The following E2F3 variants were observed in gnomAD, a reference collection of about 807,000 sequenced individuals.
E2F3 encodes the protein transcription factor E2F3.
Under a neutral mutation model 44.4 loss-of-function variants are expected in E2F3, and 11 were observed. The observed-to-expected ratio is 0.25, with a 90% CI of 0.16 to 0.41. The LOEUF (loss-of-function observed/expected upper bound fraction) is 0.41. E2F3 is among the 10% of genes least tolerant of loss of function. E2F3 has a pLI of 1.00. For missense variants in E2F3, 487 were observed against 583.6 expected, an observed-to-expected ratio of 0.83 and a Z score of 1.70; for synonymous variants, 249 against 253.0, an observed-to-expected ratio of 0.98 and a Z score of 0.15.
In E2F3 at chr6:20,488,159, A is replaced by G. The variant is rs1243212211; in HGVS notation, c.1046A>G (p.Tyr349Cys). 6.2e-7 allele frequency: 1 copy of G among 1,614,084 alleles called. No homozygotes were observed. The highest frequency in any genetic ancestry group is 8.5e-7 in the Non-Finnish European group (1 of 1,180,042). The part of the protein sequence containing the change: ...LASTQGPIEV[Y>C]LCPEETETHS... ...AGTACCCAAGGGCCCATTGAGGTTT[A>G]CTTATGTCCAGAAGAGACTGAAACA... The change falls in exon 6 of 7, where the codon TAC becomes TGC. Residue 349 changes from tyrosine to cysteine, a missense_variant. Tyr to Cys is a radical substitution (Grantham distance 194). This residue lies in a region of E2F3 where 220 missense variants were observed against 261.7 expected (regional missense o/e 0.84). Transcript: ENST00000346618.
At chr6:20,474,302 A>C (rs1561879881) in intron 1 of E2F3, among the ~76,000 whole-genome samples, 1 of 152,196 alleles carries the variant, frequency 6.6e-6, no homozygotes, top group South Asian at 2.1e-4. Flanking sequence ...GTTTCTTTGC[A>C]GAGGCATGTT....
chr6:20,402,087 AAAAAG>A lies in E2F3; in HGVS notation c.-139_-135del, dbSNP rs950647150. 42 of 1,354,358 alleles carry A rather than the reference AAAAAG, an allele frequency of 3.1e-5. No individual in the cohort carries two copies. The highest frequency in any genetic ancestry group is 1.2e-4 in the South Asian group (7 of 60,556). 83.9% of individuals were successfully genotyped at this position (1,354,358 alleles called of 1,614,324 possible). Reference sequence around the variant, plus strand: ...CGGGGCCTGTGCGGTGCGGAAAAATAAAAAGAAAAGAGAGAGAGGGGGCTCGGAAG... The same window carrying A: ...CGGGGCCTGTGCGGTGCGGAAAAATAAAAAGAGAGAGAGGGGGCTCGGAAG... On this transcript the variant is annotated 5_prime_UTR_variant, in exon 1 of 7. Transcript: ENST00000346618. This position sits in a 1 kb window ranked among gnomAD's most constrained non-coding sequence, Gnocchi z 5.6.
chr6:20,458,313 G>A (rs759770273), intron 1 of E2F3, among the ~76,000 whole-genome samples: 3 of 152,084 alleles, frequency 2.0e-5, no homozygotes, highest in Admixed American at 1.3e-4. Context: ...TCGTTTTGCC[G>A]GGGAGATTTT....
At position 20,412,052 on chromosome 6, in the gene E2F3, C is replaced by T. The variant is rs565024164; in HGVS notation, c.393+9427C>T. Among the ~76,000 whole-genome samples, 3 of 152,252 alleles carry T rather than the reference C, an allele frequency of 2.0e-5. No individual in the cohort carries two copies. The East Asian group carries it at 5.8e-4, about 29-fold the overall frequency. On this transcript the variant is annotated intron_variant, in intron 1 of 6. Transcript: ENST00000346618. ...TACAAAAGAAGTATGAGGTGTGATC[C>T]GCCCACTCTTGAGTTTACAGTCTGT...
chr6:20,416,285 C>A (rs1759842681), intron 1 of E2F3, among the ~76,000 whole-genome samples: 1 of 152,174 alleles, frequency 6.6e-6, no homozygotes, highest in African/African-American at 2.4e-5. Context: ...TCACCTATAC[C>A]CACGCTGGCC....
chr6:20,411,801 A>G (rs1759682480), intron 1 of E2F3, among the ~76,000 whole-genome samples: 1 of 152,112 alleles, frequency 6.6e-6, no homozygotes, highest in Non-Finnish European at 1.5e-5. Context: ...CCCTTGGGTT[A>G]CTGCTTCTTT....
At chr6:20,482,595 A>T (rs1267389155) in intron 3 of E2F3, among the ~76,000 whole-genome samples, 167 bp from the exon 4 acceptor site, 15 of 122,418 alleles carry the variant, frequency 1.2e-4, no homozygotes, top group East Asian at 9.3e-4. Flanking sequence ...TTTATGAAAA[A>T]AAAAATATAT....
intron 1 of E2F3, among the ~76,000 whole-genome samples, chr6:20,408,024 A>G (rs941610480): frequency 6.6e-6 from 1 of 152,262 alleles, no homozygotes; most frequent in African/African-American, 2.4e-5. Context: ...TCTTTGAGGT[A>G]CTAAGTACGT....
chr6:20,486,926 T>C, intron 5 of E2F3, 123 bp downstream of exon 5: 2 of 617,674 alleles, frequency 3.2e-6, no homozygotes, highest in Non-Finnish European at 5.6e-6. Flanking sequence ...CTTTCCCATT[T>C]ATTTTACTTA....
At position 20,404,778 on chromosome 6, in the gene E2F3, C is replaced by A. The variant is rs184427919; in HGVS notation, c.393+2153C>A. On this transcript the variant is annotated intron_variant, in intron 1 of 6. Coordinates refer to ENST00000346618, the MANE Select transcript of E2F3 (RefSeq NM_001949.5). The stretch of plus-strand genomic sequence containing the variant: ...GGGGGGAAACGGAGCACAGTACCTG[C>A]TTAGACATAGCAGTATCCGGTGTGC... Among the ~76,000 whole-genome samples, 256 of 152,276 alleles carry A rather than the reference C, an allele frequency of 1.7e-3. 1 individual carries two copies. The highest frequency in any genetic ancestry group is 2.4e-3 in the Non-Finnish European group (160 of 68,012).
At chr6:20,460,513 G>T (rs1233194544) in intron 1 of E2F3, among the ~76,000 whole-genome samples, 2 of 151,772 alleles carry the variant, frequency 1.3e-5, no homozygotes, top group East Asian at 1.9e-4. Flanking sequence ...CTATAATATG[G>T]GTATATAAGA....
Position 20,402,346 on chromosome 6 carries a change from G to A in E2F3, c.114G>A (p.Leu38=). Residue 38 remains leucine, a synonymous_variant, in exon 1 of 7, where the codon CTG becomes CTA. Coordinates refer to ENST00000346618, the MANE Select transcript of E2F3 (RefSeq NM_001949.5). This position sits in a 1 kb window ranked among gnomAD's most constrained non-coding sequence, Gnocchi z 5.6. The part of the protein sequence containing the change: ...AAAASMDKRA[L]LASPGFAAAA... The stretch of plus-strand genomic sequence containing the variant: ...CAGCCTCCATGGACAAAAGGGCACT[G>A]CTAGCCAGCCCCGGCTTCGCCGCCG... The A allele has an allele frequency of 6.2e-7, 1 of 1,609,408 alleles. No homozygotes were observed. Among genetic ancestry groups the A allele is most frequent in the Non-Finnish European group, 8.5e-7 (1 of 1,178,382 alleles).
At chr6:20,406,395 C>T (rs568839101) in intron 1 of E2F3, among the ~76,000 whole-genome samples, 3 of 152,264 alleles carry the variant, frequency 2.0e-5, no homozygotes, top group African/African-American at 7.2e-5. Context: ...AGTAGACACC[C>T]AGTACAATTC....
chr6:20,457,870 G>A (rs1464706702), intron 1 of E2F3, among the ~76,000 whole-genome samples: 5 of 151,868 alleles, frequency 3.3e-5, no homozygotes, highest in African/African-American at 9.7e-5. Context: ...AATTAATTTA[G>A]GTAAAGAACA....
At chr6:20,436,945 C>A (rs894292671) in intron 1 of E2F3, among the ~76,000 whole-genome samples, 2 of 152,102 alleles carry the variant, frequency 1.3e-5, no homozygotes, top group Non-Finnish European at 2.9e-5. Context: ...CACAGTGAGA[C>A]CCCATCTCCA....
intron 1 of E2F3, among the ~76,000 whole-genome samples, chr6:20,472,198 C>T (rs1761918227): frequency 6.6e-6 from 1 of 152,040 alleles, no homozygotes; most frequent in Non-Finnish European, 1.5e-5. Context: ...ATGCCATATG[C>T]AAGGCTCTGG....
intron 6 of E2F3, among the ~76,000 whole-genome samples, chr6:20,489,562 A>G (rs1002746113): frequency 2.0e-5 from 3 of 152,230 alleles, no homozygotes; most frequent in African/African-American, 7.2e-5. Flanking sequence ...TGATTTTCTT[A>G]AAACAATGAC....
At chr6:20,405,824 A>G (rs1759476883) in intron 1 of E2F3, among the ~76,000 whole-genome samples, 1 of 152,092 alleles carries the variant, frequency 6.6e-6, no homozygotes, top group Non-Finnish European at 1.5e-5. Flanking sequence ...TCCGTCTCAA[A>G]AAAGGAGCTG....
chr6:20,488,045 CAA>C, intron 5 of E2F3, 66 bp from the exon 6 acceptor site: 1 of 1,590,106 alleles, frequency 6.3e-7, no homozygotes, highest in Non-Finnish European at 8.6e-7. Context: ...CATTTTTAGA[CAA>C]GAATTACTAT....
Sources: allele counts gnomAD v4.1 joint callset (sites outside exome capture counted in the v4.1 genomes callset), GRCh38; gene constraint gnomAD v4.1.1; regional missense constraint gnomAD v4.1.1; non-coding constraint Gnocchi (gnomAD v3.1); transcripts MANE v1.5; gene names NCBI Gene and HGNC (gene_info 2026-07-23, HGNC 2026-07-21).